LAMC2: variants seen among roughly 807,000 people sequenced by gnomAD.
LAMC2 encodes the protein laminin subunit gamma-2.
Under a neutral mutation model 140.2 loss-of-function variants are expected in LAMC2, and 97 were observed. The observed-to-expected ratio is 0.69, with a 90% CI of 0.59 to 0.82. LAMC2 has a LOEUF of 0.82. Among genes scored for constraint, LAMC2 ranks in the 40% least tolerant of loss-of-function variants. LAMC2 has a pLI of 0.00. For missense variants in LAMC2, 1,402 were observed against 1,476.1 expected (o/e 0.95, Z 0.82); for synonymous variants, 513 against 540.2 (o/e 0.95, Z 0.70).
chr1:183,191,961 G>A (rs1658350346), intron 1 of LAMC2, among the ~76,000 whole-genome samples: 1 of 152,134 alleles, frequency 6.6e-6, no homozygotes, highest in Admixed American at 6.6e-5. Context: ...ATCATTACTG[G>A]GCTATGTTTT....
At chr1:183,246,412 T>A (rs781683828), downstream of LAMC2, among the ~76,000 whole-genome samples, 1 of 152,196 alleles carries the variant, frequency 6.6e-6, no homozygotes, top group Non-Finnish European at 1.5e-5. Context: ...AAGCTTTCCT[T>A]CTGATTTTTC....
At chr1:183,237,655 G>A in intron 18 of LAMC2, 151 bp downstream of exon 18, 2 of 792,568 alleles carry the variant, frequency 2.5e-6, no homozygotes, top group Non-Finnish European at 4.3e-6. Flanking sequence ...AAGCCAGGAG[G>A]ATCGCTTGAA....
At chr1:183,257,710 A>G in the LAMC2 span, among the ~76,000 whole-genome samples, 1 of 151,800 alleles carries the variant, frequency 6.6e-6, no homozygotes, top group Non-Finnish European at 1.5e-5. Flanking sequence ...GACATCTGTT[A>G]TAATGTCTAC....
intron 1 of LAMC2, 30 bp from the exon 2 acceptor site, chr1:183,207,850 TG>T (rs1571511686): frequency 2.2e-5 from 34 of 1,568,670 alleles, no homozygotes; most frequent in Admixed American, 1.2e-4. Flanking sequence ...TTTTTTTTTT[TG>T]ACGATCTCTT....
Position 183,244,567 on chromosome 1 carries a change from G to T in LAMC2, c.*1167G>T, listed in dbSNP as rs1047494137. The T allele has an allele frequency of 6.6e-6, 1 of 152,670 alleles. No homozygotes were observed. The highest frequency in any genetic ancestry group is 2.4e-5 in the African/African-American group (1 of 41,474). 9.5% of individuals were successfully genotyped at this position (152,670 alleles called of 1,614,324 possible). A position where few individuals can be genotyped will look rare whatever the true frequency, so the allele number is the denominator to read the frequency against. ...AAATAAATTTAAACTTACAAACTTT[G>T]TTTGTCACAAGTGGTGTTTATTGCA... On this transcript the variant is annotated 3_prime_UTR_variant, in exon 23 of 23. Transcript: ENST00000264144.
chr1:183,215,678 A>G (rs1409842563), intron 3 of LAMC2, 90 bp downstream of exon 3: 2 of 1,489,404 alleles, frequency 1.3e-6, no homozygotes, highest in South Asian at 1.1e-5. Context: ...CTGAGCCCCT[A>G]CCCTGTGCCA....
intron 22 of LAMC2, chr1:183,241,098 AT>A (rs1261128617): frequency 6.2e-6 from 1 of 160,868 alleles, no homozygotes; most frequent in Non-Finnish European, 1.3e-5. Context: ...AAGTACAAAA[AT>A]TAGCTGGATG....
chr1:183,235,592 G>A lies in LAMC2; in HGVS notation c.2318G>A (p.Ser773Asn), dbSNP rs761794462. The change falls in exon 16 of 23, where the codon AGT becomes AAT. Residue 773 changes from serine (S) to asparagine (N), a missense_variant. Physicochemically the swap from Ser to Asn is conservative, Grantham distance 46. Transcript: ENST00000264144. Reference sequence around the variant, plus strand: ...CCTTTCAGCCACGTTGAGTCAGCCAGTAACATGGAGCAACTGACAAGGGAA... The same window carrying A: ...CCTTTCAGCCACGTTGAGTCAGCCAATAACATGGAGCAACTGACAAGGGAA... The part of the protein sequence containing the change: ...RLAESHVESA[S>N]NMEQLTRETE... 3.7e-6 allele frequency: 6 copies of A among 1,614,224 alleles called. No homozygotes were observed. Among genetic ancestry groups the A allele is most frequent in the Non-Finnish European group, 5.1e-6 (6 of 1,180,032 alleles).
intron 20 of LAMC2, 148 bp from the exon 21 acceptor site, chr1:183,239,891 CT>C (rs1463172427): frequency 7.7e-6 from 7 of 914,942 alleles, no homozygotes; most frequent in Non-Finnish European, 1.2e-5. Context: ...CAAAGTACCC[CT>C]GTCCCTAAGT....
chr1:183,232,550 G>GA (rs1659832098), intron 13 of LAMC2, 102 bp from the exon 14 acceptor site: 1 of 1,189,852 alleles, frequency 8.4e-7, no homozygotes, highest in Non-Finnish European at 1.2e-6. Context: ...TCTCTATTGG[G>GA]TTTTTGTCAT....
At chr1:183,227,818 T>A in intron 10 of LAMC2, 121 bp downstream of exon 10, 1 of 883,286 alleles carries the variant, frequency 1.1e-6, no homozygotes, top group Non-Finnish European at 1.8e-6. Context: ...TTCACCCAAA[T>A]GTGCTCACTC....
At chr1:183,232,555 T>C in intron 13 of LAMC2, 97 bp from the exon 14 acceptor site, 2 of 1,216,950 alleles carry the variant, frequency 1.6e-6, no homozygotes, top group Non-Finnish European at 2.4e-6. Flanking sequence ...ATTGGGTTTT[T>C]GTCATTTGAC....
At chr1:183,211,438 A>G (rs1410748208) in intron 2 of LAMC2, among the ~76,000 whole-genome samples, 3 of 152,214 alleles carry the variant, frequency 2.0e-5, no homozygotes, top group Non-Finnish European at 4.4e-5. Context: ...ATGCAAGTGT[A>G]TATATTTTTA....
At chr1:183,200,139 C>T (rs1319912395) in intron 1 of LAMC2, among the ~76,000 whole-genome samples, 1 of 152,112 alleles carries the variant, frequency 6.6e-6, no homozygotes, top group Non-Finnish European at 1.5e-5. Flanking sequence ...GCCTGTAATC[C>T]CAGCACTTTG....
At chr1:183,254,178 G>A in the LAMC2 span, among the ~76,000 whole-genome samples, 2 of 152,002 alleles carry the variant, frequency 1.3e-5, no homozygotes, top group Non-Finnish European at 1.5e-5. Flanking sequence ...TTTCTATAAC[G>A]GTTGTACCAA....
Position 183,202,220 on chromosome 1 carries a change from C to CA in LAMC2, c.80-5659dup, listed in dbSNP as rs1259812532. 9.0e-3 allele frequency among the ~76,000 whole-genome samples: 1,302 copies of CA among 145,086 alleles called. 3 individuals are homozygous for CA. Among genetic ancestry groups the CA allele is most frequent in the Admixed American group, 0.014 (203 of 14,424 alleles). On this transcript the variant is annotated intron_variant, in intron 1 of 22. Coordinates refer to ENST00000264144, the MANE Select transcript of LAMC2 (RefSeq NM_005562.3). ...AAAAGAAAAACAGCAACAACAACAA[C>CA]AACAAAAAAAAAAAAACAAAGAAAA...
intron 1 of LAMC2, among the ~76,000 whole-genome samples, chr1:183,193,088 TC>T (rs1318910899): frequency 1.3e-5 from 2 of 152,224 alleles, no homozygotes; most frequent in African/African-American, 2.4e-5. Context: ...AATGAAGACA[TC>T]TATCTCGTCT....
chr1:183,235,850 G>A, intron 16 of LAMC2, 120 bp downstream of exon 16: 2 of 988,236 alleles, frequency 2.0e-6, no homozygotes, highest in African/African-American at 1.6e-5. Context: ...ATGATAATAA[G>A]AGGGCCGAAA....
intron 1 of LAMC2, among the ~76,000 whole-genome samples, chr1:183,193,387 T>C (rs920422924): frequency 8.5e-5 from 13 of 152,248 alleles, no homozygotes; most frequent in African/African-American, 3.1e-4. Context: ...ATTTTGCATC[T>C]GTATATACGT....
Sources: allele counts gnomAD v4.1 joint callset (sites outside exome capture counted in the v4.1 genomes callset), GRCh38; gene constraint gnomAD v4.1.1; transcripts MANE v1.5; gene names NCBI Gene and HGNC (gene_info 2026-07-23, HGNC 2026-07-21).